The following MAGI2 variants were observed in gnomAD, a reference collection of about 807,000 sequenced individuals.
MAGI2 encodes membrane associated guanylate kinase, WW and PDZ domain containing 2, also known as membrane-associated guanylate kinase, WW and PDZ domain-containing protein 2.
MAGI2 carries 35 observed loss-of-function variants against 133.3 expected under a neutral mutation model. The ratio of observed to expected loss-of-function variants is 0.26; its 90% CI spans 0.20 to 0.35. The LOEUF (loss-of-function observed/expected upper bound fraction) is 0.35. MAGI2 is among the 10% of genes least tolerant of loss of function. MAGI2 has a pLI of 1.00. For missense variants in MAGI2, 1,636 were observed against 1,863.4 expected (o/e 0.88, Z 2.25); for synonymous variants, 729 against 710.6 (o/e 1.03, Z -0.41).
chr7:79,200,264 C>T (rs541420070), intron 1 of MAGI2, among the ~76,000 whole-genome samples: 1 of 151,946 alleles, frequency 6.6e-6, no homozygotes, highest in Non-Finnish European at 1.5e-5. Context: ...CCAAGGCTAA[C>T]TTTCTTACAT....
chr7:78,121,822 G>C (rs2150500064), intron 20 of MAGI2, among the ~76,000 whole-genome samples: 1 of 152,262 alleles, frequency 6.6e-6, no homozygotes, highest in Admixed American at 6.5e-5. Flanking sequence ...TAAATTGACA[G>C]GGAAAATCTC....
intron 1 of MAGI2, among the ~76,000 whole-genome samples, chr7:79,417,868 C>T (rs544520056): frequency 6.6e-6 from 1 of 151,740 alleles, no homozygotes; most frequent in Admixed American, 6.6e-5. Context: ...GATGTAGAAA[C>T]AAAGAGAAAA....
chr7:79,186,084 T>C (rs1448372370), intron 1 of MAGI2, among the ~76,000 whole-genome samples: 1 of 151,138 alleles, frequency 6.6e-6, no homozygotes, highest in Non-Finnish European at 1.5e-5. Context: ...TAGACACATA[T>C]ATACACATGT....
chr7:79,419,816 G>A (rs939152797), intron 1 of MAGI2, among the ~76,000 whole-genome samples: 7 of 152,010 alleles, frequency 4.6e-5, no homozygotes, highest in Admixed American at 1.3e-4. Context: ...TGATTATTAT[G>A]CTGGAAAACT....
chr7:79,205,240 A>G (rs1390245414), intron 1 of MAGI2, among the ~76,000 whole-genome samples: 1 of 151,920 alleles, frequency 6.6e-6, no homozygotes, highest in Non-Finnish European at 1.5e-5. Flanking sequence ...AAAGAAAACA[A>G]CCAAATAGGT....
chr7:79,271,490 T>C (rs1834874544), intron 1 of MAGI2, among the ~76,000 whole-genome samples: 2 of 152,090 alleles, frequency 1.3e-5, no homozygotes, highest in Non-Finnish European at 2.9e-5. Context: ...TTTATAAAGC[T>C]TTTATAAAGC....
intron 4 of MAGI2, among the ~76,000 whole-genome samples, chr7:78,503,299 A>G (rs1005494693): frequency 3.7e-4 from 56 of 152,118 alleles, no homozygotes; most frequent in Non-Finnish European, 7.3e-5. Context: ...TAACCATATC[A>G]TGATGATTGA....
At chr7:79,105,653 T>C (rs926725591) in intron 1 of MAGI2, among the ~76,000 whole-genome samples, 1 of 152,198 alleles carries the variant, frequency 6.6e-6, no homozygotes, top group Non-Finnish European at 1.5e-5. Context: ...ATAATCTTAA[T>C]GTTAGCATAA....
chr7:78,314,337 CT>C (rs1202651376), intron 9 of MAGI2, among the ~76,000 whole-genome samples: 1 of 152,066 alleles, frequency 6.6e-6, no homozygotes, highest in African/African-American at 2.4e-5. Context: ...AAAATGATGC[CT>C]TACAGCTCTC....
intron 1 of MAGI2, among the ~76,000 whole-genome samples, chr7:79,364,719 T>C (rs946578447): frequency 6.6e-5 from 10 of 152,052 alleles, no homozygotes; most frequent in African/African-American, 2.4e-4. Flanking sequence ...TAAATAGTGC[T>C]GAAGGATCTG....
chr7:79,229,543 T>G (rs1831169790), intron 1 of MAGI2, among the ~76,000 whole-genome samples: 1 of 152,182 alleles, frequency 6.6e-6, no homozygotes, highest in Admixed American at 6.5e-5. Context: ...TATAATAGTA[T>G]GCATCAAGGA....
At chr7:78,174,011 G>A (rs950514776) in intron 14 of MAGI2, among the ~76,000 whole-genome samples, 18 of 152,134 alleles carry the variant, frequency 1.2e-4, no homozygotes, top group African/African-American at 3.9e-4. Context: ...ATGCTATAGG[G>A]CCGCCAGGAC....
intron 3 of MAGI2, among the ~76,000 whole-genome samples, chr7:78,626,872 T>A (rs1301671399): frequency 6.6e-5 from 10 of 150,724 alleles, no homozygotes; most frequent in Non-Finnish European, 1.3e-4. Flanking sequence ...ATAAAATAGG[T>A]ATATATATAA....
At chr7:78,623,040 C>T (rs113124018) in intron 3 of MAGI2, among the ~76,000 whole-genome samples, 2,370 of 151,990 alleles carry the variant, frequency 0.016, 73 homozygotes, top group African/African-American at 0.055. Context: ...CATACAGTTT[C>T]AGGATATTAC....
chr7:78,857,562 T>C (rs1584173778), intron 2 of MAGI2, among the ~76,000 whole-genome samples: 1 of 152,342 alleles, frequency 6.6e-6, no homozygotes. Flanking sequence ...CGTTTATTGA[T>C]TTGCATATGT....
intron 1 of MAGI2, among the ~76,000 whole-genome samples, chr7:79,253,258 G>C (rs1833450683): frequency 6.6e-6 from 1 of 152,178 alleles, no homozygotes; most frequent in African/African-American, 2.4e-5. Context: ...AGATGAGCTT[G>C]AGTTTTTCTT....
At chr7:78,509,281 C>T (rs549967836) in intron 4 of MAGI2, 58 of 152,036 alleles carry the variant, frequency 3.8e-4, no homozygotes, top group African/African-American at 6.8e-4. Flanking sequence ...CATTGGGGCA[C>T]GAAACAGACA....
intron 1 of MAGI2, among the ~76,000 whole-genome samples, chr7:79,135,986 A>G (rs1234143221): frequency 5.0e-5 from 2 of 39,760 alleles, no homozygotes; most frequent in African/African-American, 9.7e-5. Context: ...AAAGAAAGAA[A>G]GAAAGAAAGA....
At chr7:79,265,051 T>A (rs1834347573) in intron 1 of MAGI2, among the ~76,000 whole-genome samples, 1 of 152,116 alleles carries the variant, frequency 6.6e-6, no homozygotes, top group Non-Finnish European at 1.5e-5. Flanking sequence ...AATGTCAATA[T>A]GAGGTTTAGA....
Sources: allele counts gnomAD v4.1 joint callset (sites outside exome capture counted in the v4.1 genomes callset), GRCh38; gene constraint gnomAD v4.1.1; transcripts MANE v1.5; gene names NCBI Gene and HGNC (gene_info 2026-07-23, HGNC 2026-07-21).